The following ADGRB3 variants were observed in gnomAD, a reference collection of about 807,000 sequenced individuals.
The protein encoded by ADGRB3 is adhesion G protein-coupled receptor B3, also known as brain-specific angiogenesis inhibitor 3.
In ADGRB3, 37 loss-of-function variants were observed where a neutral mutation model predicts 193.4. The observed-to-expected ratio is 0.19, with a 90% CI of 0.15 to 0.25. ADGRB3 has a LOEUF of 0.25. Ranked by LOEUF, ADGRB3 falls within the 10% of genes least tolerant of loss-of-function variation. The probability of loss-of-function intolerance (pLI) is 1.00; values close to 1 mark genes in which losing one functional copy is unlikely to be tolerated. For missense variants in ADGRB3, 1,637 were observed against 1,852.9 expected, an observed-to-expected ratio of 0.88 and a Z score of 2.14; for synonymous variants, 690 against 644.2, an observed-to-expected ratio of 1.07 and a Z score of -1.08.
chr6:69,289,601 G>A (rs1338690585), intron 20 of ADGRB3, among the ~76,000 whole-genome samples: 1 of 152,072 alleles, frequency 6.6e-6, no homozygotes, highest in Admixed American at 6.6e-5. Flanking sequence ...CATGCCCATG[G>A]CACCAAAGAA....
chr6:69,038,002 G>T (rs114752211), intron 13 of ADGRB3, among the ~76,000 whole-genome samples: 1 of 152,062 alleles, frequency 6.6e-6, no homozygotes, highest in Admixed American at 6.6e-5. Context: ...TTTTTTCACA[G>T]GTGTATTTGT....
chr6:69,280,868 T>A (rs529770714), intron 20 of ADGRB3, among the ~76,000 whole-genome samples: 4 of 152,156 alleles, frequency 2.6e-5, no homozygotes, highest in African/African-American at 4.8e-5. Context: ...TATATATATG[T>A]AAGGAACATA....
intron 17 of ADGRB3, among the ~76,000 whole-genome samples, chr6:69,161,453 A>G (rs546453280): frequency 1.8e-3 from 274 of 152,234 alleles, no homozygotes; most frequent in African/African-American, 6.2e-3. Context: ...AAACTTCAGC[A>G]TGCATCAGAA....
In ADGRB3 at chr6:68,930,221, C is replaced by T. The variant is rs117161728; in HGVS notation, c.758-338C>T. On this transcript the variant is annotated intron_variant, in intron 3 of 31. Coordinates refer to ENST00000370598, the MANE Select transcript of ADGRB3 (RefSeq NM_001704.3). The stretch of plus-strand genomic sequence containing the variant: ...GCAGATGCAACTAAGTCAGGATTCT[C>T]TCTCTAAAAAAACAACAGTTAACAC... Among the ~76,000 whole-genome samples, 21 of 152,044 alleles carry T rather than the reference C, an allele frequency of 1.4e-4. No individual in the cohort carries two copies. In the East Asian group the frequency reaches 4.1e-3, roughly 29 times the overall value.
intron 3 of ADGRB3, among the ~76,000 whole-genome samples, chr6:68,897,766 A>AGGGAGGAAAGAGGGG (rs1766276322): frequency 7.7e-6 from 1 of 130,592 alleles, no homozygotes; most frequent in African/African-American, 3.2e-5. Flanking sequence ...AGGAAAAGGG[A>AGGGAGGAAAGAGGGG]GGGAGGAAGG....
chr6:69,054,881 C>T (rs919988939), intron 15 of ADGRB3, among the ~76,000 whole-genome samples: 1 of 151,916 alleles, frequency 6.6e-6, no homozygotes, highest in African/African-American at 2.4e-5. Flanking sequence ...GATAAAGTAC[C>T]CAAATTCCCA....
intron 3 of ADGRB3, among the ~76,000 whole-genome samples, chr6:68,682,224 T>G (rs1348482788): frequency 1.3e-5 from 2 of 152,202 alleles, no homozygotes; most frequent in Non-Finnish European, 2.9e-5. Context: ...TCAAACAATT[T>G]GAAAATAAAG....
At chr6:68,741,859 T>C (rs1217976270) in intron 3 of ADGRB3, among the ~76,000 whole-genome samples, 2 of 152,220 alleles carry the variant, frequency 1.3e-5, no homozygotes, top group African/African-American at 4.8e-5. Flanking sequence ...AGCATTCCTT[T>C]TTGCATTCTT....
intron 10 of ADGRB3, among the ~76,000 whole-genome samples, chr6:68,978,296 A>G (rs1768805519): frequency 6.7e-6 from 1 of 148,528 alleles, no homozygotes; most frequent in African/African-American, 2.5e-5. Flanking sequence ...ATATGGATAG[A>G]TGGTTGGATA....
chr6:68,834,256 G>A lies in ADGRB3; in HGVS notation c.758-96303G>A, dbSNP rs183843748. ...TGAGGTTCCCAATGCTGTGCTGCAC[G>A]TAATTCTTACTGTATAAAGCTCAAA... On this transcript the variant is annotated intron_variant, in intron 3 of 31. Transcript: ENST00000370598. 7.6e-4 allele frequency among the ~76,000 whole-genome samples: 115 copies of A among 152,134 alleles called. 3 individuals carry two copies. Among genetic ancestry groups the A allele is most frequent in the Admixed American group, 7.1e-3 (108 of 15,278 alleles).
At chr6:68,725,529 C>G (rs1765657290) in intron 3 of ADGRB3, among the ~76,000 whole-genome samples, 1 of 151,560 alleles carries the variant, frequency 6.6e-6, no homozygotes, top group Non-Finnish European at 1.5e-5. Context: ...TATTGATGAC[C>G]AGTTTGATGT....
At chr6:68,689,467 C>T (rs971106659) in intron 3 of ADGRB3, among the ~76,000 whole-genome samples, 2 of 152,082 alleles carry the variant, frequency 1.3e-5, no homozygotes, top group Non-Finnish European at 2.9e-5. Context: ...CAAGATTAAC[C>T]GGCTCAGGCC....
At chr6:69,043,909 C>T (rs1368766225) in intron 13 of ADGRB3, among the ~76,000 whole-genome samples, 7 of 151,912 alleles carry the variant, frequency 4.6e-5, no homozygotes, top group African/African-American at 9.7e-5. Flanking sequence ...GGCGTGGTGG[C>T]GGGCGCCTGT....
intron 8 of ADGRB3, among the ~76,000 whole-genome samples, chr6:68,968,744 A>G (rs1294911515): frequency 1.3e-5 from 2 of 152,164 alleles, no homozygotes; most frequent in Admixed American, 1.3e-4. Flanking sequence ...CCTATTCATG[A>G]TGTATTTTTT....
At chr6:69,043,657 T>C (rs1771152832) in intron 13 of ADGRB3, among the ~76,000 whole-genome samples, 1 of 152,196 alleles carries the variant, frequency 6.6e-6, no homozygotes, top group African/African-American at 2.4e-5. Context: ...CAAACACTGT[T>C]CTAGGTGAAC....
chr6:69,121,350 A>G (rs1391315034), intron 17 of ADGRB3, among the ~76,000 whole-genome samples: 2 of 152,242 alleles, frequency 1.3e-5, no homozygotes, highest in Non-Finnish European at 2.9e-5. Context: ...CGGCATCCCA[A>G]AGCAGAAGAA....
chr6:69,350,902 T>C (rs1769207650), intron 26 of ADGRB3, among the ~76,000 whole-genome samples: 1 of 152,084 alleles, frequency 6.6e-6, no homozygotes, highest in Non-Finnish European at 1.5e-5. Flanking sequence ...GTTTACCAGA[T>C]ACAAAATTCA....
intron 3 of ADGRB3, among the ~76,000 whole-genome samples, chr6:68,648,433 A>T (rs1161026266): frequency 1.3e-5 from 2 of 151,222 alleles, no homozygotes; most frequent in East Asian, 3.9e-4. Flanking sequence ...AATTATTTCT[A>T]CTAAAAAACA....
chr6:69,069,731 T>TAAAAAAAAAA (rs754345752), intron 16 of ADGRB3, among the ~76,000 whole-genome samples: 2 of 108,234 alleles, frequency 1.8e-5, no homozygotes, highest in Non-Finnish European at 3.5e-5. Flanking sequence ...ACTCTCTCAT[T>TAAAAAAAAAA]AAAAAAAAAA....
Sources: gnomAD v4.1 joint callset for allele counts (sites outside exome capture counted in the v4.1 genomes callset) on GRCh38, gnomAD v4.1.1 for gene constraint, MANE v1.5 for transcripts, NCBI Gene and HGNC (gene_info 2026-07-23, HGNC 2026-07-21) for gene names.